Variants in NRG3 observed in about 807,000 individuals in gnomAD.
NRG3 encodes the protein pro-neuregulin-3, membrane-bound isoform.
A neutral mutation model predicts 66.9 loss-of-function variants in NRG3; 31 were observed. That is an observed-to-expected ratio of 0.46 (90% CI 0.35 to 0.63). The LOEUF is 0.63. NRG3 is among the 20% of genes least tolerant of loss of function. The probability of loss-of-function intolerance (pLI) is 0.00; values close to 1 mark genes in which losing one functional copy is unlikely to be tolerated. For missense variants in NRG3, 910 were observed against 878.9 expected (o/e 1.04, Z -0.45); for synonymous variants, 393 against 359.4 (o/e 1.09, Z -1.06).
chr10:82,603,137 G>A (rs547055269), intron 2 of NRG3, among the ~76,000 whole-genome samples: 2 of 152,088 alleles, frequency 1.3e-5, no homozygotes, highest in Non-Finnish European at 2.9e-5. Flanking sequence ...AGTAAATTCT[G>A]TACTAGCTAT....
chr10:82,943,831 A>T (rs990852837), intron 4 of NRG3, among the ~76,000 whole-genome samples: 7 of 152,226 alleles, frequency 4.6e-5, no homozygotes, highest in African/African-American at 1.7e-4. Context: ...ATTTTAAAAT[A>T]TAGAAAGATG....
intron 1 of NRG3, among the ~76,000 whole-genome samples, chr10:82,354,014 CTT>C (rs869307444): frequency 1.8e-3 from 208 of 112,566 alleles, no homozygotes; most frequent in African/African-American, 6.1e-3. Flanking sequence ...CACTATAACA[CTT>C]TTTTTTTTTT....
intron 2 of NRG3, among the ~76,000 whole-genome samples, chr10:82,388,835 G>A (rs2086175679): frequency 1.3e-5 from 2 of 152,136 alleles, no homozygotes; most frequent in Non-Finnish European, 2.9e-5. Context: ...CACAAACTAA[G>A]CTCTCCATAC....
intron 1 of NRG3, among the ~76,000 whole-genome samples, chr10:82,173,674 A>AACACACAC (rs3037392): frequency 0.052 from 7,574 of 146,250 alleles, 251 homozygotes; most frequent in African/African-American, 0.095. Flanking sequence ...TGCATATGTG[A>AACACACAC]ACACACACAC....
intron 2 of NRG3, among the ~76,000 whole-genome samples, chr10:82,565,893 T>C (rs2045373940): frequency 6.6e-6 from 1 of 152,100 alleles, no homozygotes; most frequent in Non-Finnish European, 1.5e-5. Context: ...CGCAGGCTTC[T>C]AATGAGAAGT....
chr10:81,914,641 A>G (rs1440010452), intron 1 of NRG3, among the ~76,000 whole-genome samples: 1 of 152,098 alleles, frequency 6.6e-6, no homozygotes, highest in Non-Finnish European at 1.5e-5. Flanking sequence ...CTGTAGTTCT[A>G]GCTACTCAGG....
intron 1 of NRG3, among the ~76,000 whole-genome samples, chr10:82,037,773 C>T (rs532197856): frequency 7.9e-5 from 12 of 152,128 alleles, no homozygotes; most frequent in South Asian, 2.1e-4. Context: ...CTGCCTCACA[C>T]GGGCTTTCCA....
At chr10:82,353,992 A>T (rs902754715) in intron 1 of NRG3, among the ~76,000 whole-genome samples, 1 of 145,992 alleles carries the variant, frequency 6.8e-6, no homozygotes, top group Non-Finnish European at 1.5e-5. Context: ...TTTTTAAAAT[A>T]GAGTTTTTGT....
chr10:81,985,840 A>G (rs2060497686), intron 1 of NRG3, among the ~76,000 whole-genome samples: 1 of 152,264 alleles, frequency 6.6e-6, no homozygotes, highest in South Asian at 2.1e-4. Context: ...GGAAAATAAC[A>G]TAGAATGGAA....
At chr10:81,906,504 C>T (rs1589416074) in intron 1 of NRG3, among the ~76,000 whole-genome samples, 4 of 152,178 alleles carry the variant, frequency 2.6e-5, no homozygotes, top group East Asian at 1.9e-4. Context: ...GTAGGTGAGA[C>T]GGGGAAGAGC....
intron 2 of NRG3, among the ~76,000 whole-genome samples, chr10:82,647,250 C>T (rs1248446234): frequency 5.3e-5 from 8 of 151,816 alleles, no homozygotes; most frequent in Non-Finnish European, 7.4e-5. Flanking sequence ...TGAGAATATG[C>T]GGTGTTTGGT....
chr10:82,099,688 A>G lies in NRG3; in HGVS notation c.823+223525A>G, dbSNP rs558447286. On this transcript the variant is annotated intron_variant, in intron 1 of 8. Coordinates refer to ENST00000372141, the MANE Select transcript of NRG3 (RefSeq NM_001010848.4). ...TTGATATCTTATTAATATTGTCTCT[A>G]AGCTGGGCACTGTGGCTCACATCTC... Among the ~76,000 whole-genome samples the G allele has an allele frequency of 2.6e-5, 4 of 152,204 alleles. No homozygotes were observed. The East Asian group carries it at 7.7e-4, about 29-fold the overall frequency.
At position 81,876,176 on chromosome 10, in the gene NRG3, T is replaced by C. The variant is rs1335981756; in HGVS notation, c.823+13T>C. The C allele has an allele frequency of 1.3e-6, 2 of 1,562,480 alleles. No homozygotes were observed. Among genetic ancestry groups the C allele is most frequent in the Non-Finnish European group, 1.7e-6 (2 of 1,153,730 alleles). ...AGCCCCAAATTTCGTAAGTAAACACTGTGTCTCAACTATGATTTACTACTG... is the reference window on the plus strand; with the variant it reads ...AGCCCCAAATTTCGTAAGTAAACACCGTGTCTCAACTATGATTTACTACTG... On this transcript the variant is annotated intron_variant, in intron 1 of 8. Coordinates refer to ENST00000372141, the MANE Select transcript of NRG3 (RefSeq NM_001010848.4).
At chr10:82,564,172 A>T (rs1343845855) in intron 2 of NRG3, among the ~76,000 whole-genome samples, 2 of 152,172 alleles carry the variant, frequency 1.3e-5, no homozygotes, top group Admixed American at 6.6e-5. Context: ...CATTGTTTGG[A>T]TAAACAACTG....
At chr10:81,962,664 A>G (rs902718298) in intron 1 of NRG3, among the ~76,000 whole-genome samples, 4 of 152,188 alleles carry the variant, frequency 2.6e-5, no homozygotes, top group African/African-American at 9.6e-5. Context: ...GTTTGCAGGT[A>G]AGAAATGCAG....
rs74991121 is a variant in NRG3 at position 82,760,540 on chromosome 10, G to A, written c.1027+21890G>A. Among the ~76,000 whole-genome samples the A allele has an allele frequency of 6.2e-4, 95 of 152,148 alleles. 1 individual carries two copies. The highest frequency in any genetic ancestry group is 2.1e-3 in the African/African-American group (88 of 41,532). On this transcript the variant is annotated intron_variant, in intron 3 of 8. Coordinates refer to ENST00000372141, the MANE Select transcript of NRG3 (RefSeq NM_001010848.4). ...ATCAAAAAGGCAAAGTACCACTATC[G>A]TCTCTGTCATCTAACTTCATACTGA...
chr10:82,372,861 T>C (rs1045978512), intron 2 of NRG3, among the ~76,000 whole-genome samples: 14 of 152,220 alleles, frequency 9.2e-5, no homozygotes, highest in African/African-American at 3.4e-4. Flanking sequence ...CCCTAAGTGC[T>C]GGGATTACGG....
At chr10:82,548,523 TCACA>T (rs59459683) in intron 2 of NRG3, among the ~76,000 whole-genome samples, 12,303 of 139,386 alleles carry the variant, frequency 0.088, 646 homozygotes, top group African/African-American at 0.15. Flanking sequence ...ATTCTGTCTC[TCACA>T]CACACACACA....
At chr10:82,632,256 C>T (rs1002639997) in intron 2 of NRG3, among the ~76,000 whole-genome samples, 9 of 152,108 alleles carry the variant, frequency 5.9e-5, no homozygotes, top group Non-Finnish European at 1.3e-4. Flanking sequence ...CATAAATGGC[C>T]TTTGGGCATA....
Sources: allele counts gnomAD v4.1 joint callset (sites outside exome capture counted in the v4.1 genomes callset), GRCh38; gene constraint gnomAD v4.1.1; transcripts MANE v1.5; gene names NCBI Gene and HGNC (gene_info 2026-07-23, HGNC 2026-07-21).